Variants in CCDC144A observed in about 807,000 individuals in gnomAD.
The protein encoded by CCDC144A is coiled-coil domain-containing protein 144A.
CCDC144A carries 41 observed loss-of-function variants against 143.8 expected under a neutral mutation model. The observed-to-expected ratio is 0.29, with a 90% CI of 0.22 to 0.37. CCDC144A has a LOEUF of 0.37. Among genes scored for constraint, CCDC144A ranks in the 10% least tolerant of loss-of-function variants. CCDC144A has a pLI of 1.00. For synonymous variants in CCDC144A, 242 were observed against 517.9 expected (o/e 0.47, Z 7.23); for missense variants, 637 against 1,488.8 (o/e 0.43, Z 9.41).
At chr17:16,702,140 C>T (rs1356997884) in intron 2 of CCDC144A, among the ~76,000 whole-genome samples, 1 of 152,016 alleles carries the variant, frequency 6.6e-6, no homozygotes, top group Non-Finnish European at 1.5e-5. Context: ...TTGTTTTCAC[C>T]AGAGAGAGTA....
chr17:16,691,110 G>T (rs2143025325), intron 1 of CCDC144A, among the ~76,000 whole-genome samples: 1 of 152,220 alleles, frequency 6.6e-6, no homozygotes, highest in East Asian at 1.9e-4. Context: ...AGCACTTTGG[G>T]AGGCCGAGGA....
intron 15 of CCDC144A, among the ~76,000 whole-genome samples, chr17:16,768,343 T>C (rs1412956102): frequency 1.3e-5 from 2 of 152,182 alleles, no homozygotes; most frequent in African/African-American, 4.8e-5. Flanking sequence ...AATTCCTTCA[T>C]TATTTTGTCA....
chr17:16,753,428 G>GTTTTTTGTTGTTGTTGTTGTTGTTTTTTT (rs1914895477), intron 12 of CCDC144A, among the ~76,000 whole-genome samples: 2 of 57,366 alleles, frequency 3.5e-5, no homozygotes, highest in African/African-American at 1.4e-4. Flanking sequence ...GTGTTTTGTA[G>GTTTTTTGTTGTTGTTGTTGTTGTTTTTTT]TTTTTTTTTT....
chr17:16,734,577 C>T, intron 11 of CCDC144A, 113 bp from the exon 12 acceptor site: 3 of 891,122 alleles, frequency 3.4e-6, no homozygotes, highest in East Asian at 2.8e-5. Context: ...TATTTTTTTC[C>T]AGTTGGATAT....
rs368458434 is a variant in CCDC144A at position 16,709,580 on chromosome 17, C to T, written c.1523C>T (p.Thr508Ile). 1 of 1,611,566 alleles carries T rather than the reference C, an allele frequency of 6.2e-7. No homozygotes were observed. The highest frequency in any genetic ancestry group is 8.5e-7 in the Non-Finnish European group (1 of 1,179,638). Residue 508 changes from threonine to isoleucine, a missense_variant, in exon 5 of 17, where the codon ACA becomes ATA. Thr to Ile is a moderately conservative substitution (Grantham distance 89). Transcript: ENST00000399273. Reference protein sequence around the residue: ...DMQKFKNEVNTLEEEFLALKK... With the variant: ...DMQKFKNEVNILEEEFLALKK... ...CAAAAGTTTAAGAATGAGGTCAACA[C>T]ATTAGAAGAAGAGTTCCTGGCTTTG...
chr17:16,712,965 AT>A (rs1912537502), intron 6 of CCDC144A, among the ~76,000 whole-genome samples: 1 of 151,758 alleles, frequency 6.6e-6, no homozygotes, highest in Non-Finnish European at 1.5e-5. Context: ...TAGTTATTAA[AT>A]TTTTGTTTTT....
chr17:16,704,877 A>C (rs1161064514), intron 2 of CCDC144A, among the ~76,000 whole-genome samples: 2 of 152,192 alleles, frequency 1.3e-5, no homozygotes, highest in African/African-American at 4.8e-5. Flanking sequence ...TCTTAATGGA[A>C]AGCAAAATAT....
At position 16,770,768 on chromosome 17, in the gene CCDC144A, G is replaced by A. The variant is rs1250452948; in HGVS notation, c.4099-1209G>A. Among the ~76,000 whole-genome samples the A allele has an allele frequency of 5.3e-5, 8 of 151,948 alleles. No homozygotes were observed. The East Asian group carries it at 1.5e-3, about 29-fold the overall frequency. ...TGACTAAAGGAAGGATCAGTGCTCTGAAGCTGTGACTTTCTTATCCCTTAA... is the reference window on the plus strand; with the variant it reads ...TGACTAAAGGAAGGATCAGTGCTCTAAAGCTGTGACTTTCTTATCCCTTAA... On this transcript the variant is annotated intron_variant, in intron 15 of 16. Coordinates refer to ENST00000399273, the MANE Select transcript of CCDC144A (RefSeq NM_001382000.1).
chr17:16,745,147 C>T (rs1914435988), intron 12 of CCDC144A, among the ~76,000 whole-genome samples: 1 of 151,668 alleles, frequency 6.6e-6, no homozygotes, highest in Non-Finnish European at 1.5e-5. Flanking sequence ...ACTTTGCAGG[C>T]ATGGCTGACT....
the CCDC144A span, among the ~76,000 whole-genome samples, chr17:16,677,017 A>G: frequency 3.3e-5 from 5 of 152,086 alleles, no homozygotes; most frequent in Non-Finnish European, 7.4e-5. Context: ...AGGAATATAC[A>G]TTGAAAAATG....
At chr17:16,726,154 G>T (rs1437336912) in intron 8 of CCDC144A, among the ~76,000 whole-genome samples, 2 of 151,772 alleles carry the variant, frequency 1.3e-5, no homozygotes, top group African/African-American at 2.4e-5. Flanking sequence ...CGAGGTGGGC[G>T]GATCACGAGG....
intron 12 of CCDC144A, among the ~76,000 whole-genome samples, chr17:16,756,652 A>G (rs1368452706): frequency 6.7e-6 from 1 of 150,330 alleles, no homozygotes; most frequent in Non-Finnish European, 1.5e-5. Context: ...GGGATCTGTT[A>G]CTGGAGAATT....
chr17:16,680,510 T>A, the CCDC144A span, among the ~76,000 whole-genome samples: 2 of 150,312 alleles, frequency 1.3e-5, no homozygotes, highest in Non-Finnish European at 3.0e-5. Context: ...TTAACACCAC[T>A]GCACTCCAGC....
intron 2 of CCDC144A, among the ~76,000 whole-genome samples, chr17:16,703,316 AT>A (rs1445411881): frequency 6.6e-6 from 1 of 151,564 alleles, no homozygotes; most frequent in Non-Finnish European, 1.5e-5. Context: ...GTCACATTAC[AT>A]TTTTGAGGTC....
the CCDC144A span, chr17:16,667,253 G>C: frequency 4.2e-6 from 1 of 240,686 alleles, no homozygotes; most frequent in Non-Finnish European, 8.2e-6. Context: ...GGCTGAGGCG[G>C]CTGAGGCGGC....
At chr17:16,668,901 T>G in the CCDC144A span, among the ~76,000 whole-genome samples, 2 of 152,190 alleles carry the variant, frequency 1.3e-5, no homozygotes, top group Non-Finnish European at 2.9e-5. Flanking sequence ...CATGACCTCA[T>G]GTAAACCTAA....
intron 14 of CCDC144A, among the ~76,000 whole-genome samples, chr17:16,762,986 C>T (rs1490085452): frequency 1.4e-5 from 2 of 148,022 alleles, no homozygotes; most frequent in Non-Finnish European, 2.9e-5. Flanking sequence ...AGTACGACTA[C>T]TCTGGACACA....
At chr17:16,704,316 G>C (rs1911916878) in intron 2 of CCDC144A, among the ~76,000 whole-genome samples, 1 of 152,122 alleles carries the variant, frequency 6.6e-6, no homozygotes, top group Admixed American at 6.5e-5. Flanking sequence ...TTAGCCGGGC[G>C]TAGTGGCAGG....
intron 6 of CCDC144A, among the ~76,000 whole-genome samples, chr17:16,713,557 G>T (rs1912569694): frequency 2.6e-5 from 4 of 152,118 alleles, no homozygotes; most frequent in Admixed American, 2.6e-4. Flanking sequence ...AGAATTAGAT[G>T]ATTTTTATCA....
Sources: gnomAD v4.1 joint callset for allele counts (sites outside exome capture counted in the v4.1 genomes callset) on GRCh38, gnomAD v4.1.1 for gene constraint, MANE v1.5 for transcripts, NCBI Gene and HGNC (gene_info 2026-07-23, HGNC 2026-07-21) for gene names.